GNB5: variants seen among roughly 807,000 people sequenced by gnomAD.
GNB5 encodes guanine nucleotide-binding protein subunit beta-5.
GNB5 carries 37 observed loss-of-function variants against 55.3 expected under a neutral mutation model. The ratio of observed to expected loss-of-function variants is 0.67; its 90% CI spans 0.51 to 0.88. The LOEUF (loss-of-function observed/expected upper bound fraction) is 0.88. Ranked by LOEUF, GNB5 falls within the 40% of genes least tolerant of loss-of-function variation. GNB5 has a pLI of 0.00. For missense variants in GNB5, 476 were observed against 515.3 expected, an observed-to-expected ratio of 0.92 and a Z score of 0.74; for synonymous variants, 219 against 198.5, an observed-to-expected ratio of 1.10 and a Z score of -0.87.
At chr15:52,171,714 C>T (rs1414454696) in intron 3 of GNB5, among the ~76,000 whole-genome samples, 1 of 152,202 alleles carries the variant, frequency 6.6e-6, no homozygotes, top group Non-Finnish European at 1.5e-5. Context: ...AATATGTTTG[C>T]TCCAGGCTAA....
At chr15:52,131,809 T>G (rs921240075) in intron 9 of GNB5, among the ~76,000 whole-genome samples, 1 of 152,246 alleles carries the variant, frequency 6.6e-6, no homozygotes, top group Non-Finnish European at 1.5e-5. Context: ...TTGGGAGTTC[T>G]GAGTATAATG....
chr15:52,165,810 A>G (rs2034439912), intron 3 of GNB5, among the ~76,000 whole-genome samples: 1 of 152,242 alleles, frequency 6.6e-6, no homozygotes, highest in Non-Finnish European at 1.5e-5. Flanking sequence ...ACTAGCTAGC[A>G]TCATGATGAC....
chr15:52,188,080 T>C (rs2034871153), intron 1 of GNB5, among the ~76,000 whole-genome samples: 1 of 152,228 alleles, frequency 6.6e-6, no homozygotes, highest in African/African-American at 2.4e-5. Flanking sequence ...TCCTCTAGTA[T>C]CTTTATAAGT....
At chr15:52,141,886 T>C (rs950402177) in intron 6 of GNB5, among the ~76,000 whole-genome samples, 1 of 152,228 alleles carries the variant, frequency 6.6e-6, no homozygotes, top group African/African-American at 2.4e-5. Context: ...TCCCTGATTG[T>C]CGCCAGGATC....
At chr15:52,172,461 G>A (rs1391657571) in intron 3 of GNB5, among the ~76,000 whole-genome samples, 2 of 151,956 alleles carry the variant, frequency 1.3e-5, no homozygotes, top group South Asian at 2.1e-4. Context: ...TCCCATTCTA[G>A]TACTCATTTT....
intron 3 of GNB5, among the ~76,000 whole-genome samples, chr15:52,158,518 C>T (rs2034263688): frequency 6.6e-6 from 1 of 152,146 alleles, no homozygotes; most frequent in African/African-American, 2.4e-5. Flanking sequence ...CTCTCCCTAT[C>T]CCTAATCCAT....
intron 2 of GNB5, among the ~76,000 whole-genome samples, chr15:52,181,880 ATG>A (rs1566951417): frequency 1.3e-5 from 2 of 151,846 alleles, no homozygotes; most frequent in African/African-American, 4.8e-5. Context: ...TGTATAAACT[ATG>A]TTAAAAATAT....
intron 3 of GNB5, among the ~76,000 whole-genome samples, chr15:52,169,442 G>A (rs1272390473): frequency 6.6e-6 from 1 of 150,436 alleles, no homozygotes; most frequent in Non-Finnish European, 1.5e-5. Flanking sequence ...GAAGGCTGAG[G>A]CAGGAGAAGA....
At chr15:52,180,900 T>C (rs1053124416) in intron 2 of GNB5, 1 of 152,276 alleles carries the variant, frequency 6.6e-6, no homozygotes, top group Non-Finnish European at 1.5e-5. Flanking sequence ...GACTGAGTAA[T>C]TGCTCAGGGG....
chr15:52,128,992 G>A (rs1013284614), intron 9 of GNB5, among the ~76,000 whole-genome samples: 4 of 128,296 alleles, frequency 3.1e-5, no homozygotes, highest in Non-Finnish European at 4.7e-5. Context: ...GTCTCATTCT[G>A]TTGCCCAGGC....
At chr15:52,170,577 G>C (rs2034537197) in intron 3 of GNB5, among the ~76,000 whole-genome samples, 1 of 152,262 alleles carries the variant, frequency 6.6e-6, no homozygotes, top group African/African-American at 2.4e-5. Flanking sequence ...GACAGCATCA[G>C]GAAGAATAGC....
rs564452334 is a variant in GNB5, at chr15:52,165,523, C to T, written c.239-11447G>A. Reference sequence around the variant, plus strand: ...CCTCTCAGTGGAAACCTTACAAGCCCGAAGAGAGTGGGGCCAATATTCAAC... The same window carrying T: ...CCTCTCAGTGGAAACCTTACAAGCCTGAAGAGAGTGGGGCCAATATTCAAC... On this transcript the variant is annotated intron_variant, in intron 3 of 12. Coordinates refer to ENST00000261837, the MANE Select transcript of GNB5 (RefSeq NM_016194.4). Among the ~76,000 whole-genome samples the T allele has an allele frequency of 1.6e-4, 24 of 152,032 alleles. 1 individual carries two copies. The highest frequency in any genetic ancestry group is 5.6e-4 in the African/African-American group (23 of 41,388).
At chr15:52,167,019 C>T (rs1326617498) in intron 3 of GNB5, among the ~76,000 whole-genome samples, 1 of 152,122 alleles carries the variant, frequency 6.6e-6, no homozygotes, top group Non-Finnish European at 1.5e-5. Context: ...CACAGAAATA[C>T]AAACAACCAT....
chr15:52,156,893 A>G (rs2034218219), intron 3 of GNB5, among the ~76,000 whole-genome samples: 1 of 152,200 alleles, frequency 6.6e-6, no homozygotes, highest in South Asian at 2.1e-4. Flanking sequence ...TTCTTTACAA[A>G]ATACATCGAA....
intron 3 of GNB5, among the ~76,000 whole-genome samples, chr15:52,164,308 TAAAAAAAAA>T (rs56029917): frequency 1.4e-4 from 7 of 50,430 alleles, no homozygotes; most frequent in African/African-American, 4.7e-4. Flanking sequence ...GACTCTGTCT[TAAAAAAAAA>T]AAAAAAAAAA....
intron 6 of GNB5, 101 bp downstream of exon 6, chr15:52,147,358 A>T (rs2033998505): frequency 2.6e-6 from 2 of 781,820 alleles, no homozygotes; most frequent in Non-Finnish European, 4.6e-6. Flanking sequence ...CTAAACAATT[A>T]AACAACAAAA....
At chr15:52,162,500 AAAAT>A (rs1202045097) in intron 3 of GNB5, among the ~76,000 whole-genome samples, 1 of 152,212 alleles carries the variant, frequency 6.6e-6, no homozygotes, top group Non-Finnish European at 1.5e-5. Context: ...AATATCCGTG[AAAAT>A]AAATACTCTG....
At chr15:52,175,322 C>T (rs1277209749) in intron 3 of GNB5, among the ~76,000 whole-genome samples, 2 of 152,214 alleles carry the variant, frequency 1.3e-5, no homozygotes, top group Non-Finnish European at 2.9e-5. Context: ...TGTCTGGCCA[C>T]ACATTCCCAA....
In GNB5 at chr15:52,135,810, G is replaced by A. The variant is rs976161463; in HGVS notation, c.628-54C>T. On this transcript the variant is annotated intron_variant, in intron 7 of 12. Transcript: ENST00000261837. ...TGGTTGTGGTTATTGCTTATGCCGG[G>A]GGCAGTCAATCAGAGGCTTAACGTT... The A allele has an allele frequency of 5.0e-6, 8 of 1,593,492 alleles. No homozygotes were observed. In the African/African-American group the frequency reaches 6.8e-5, roughly 14 times the overall value.
Sources: gnomAD v4.1 joint callset for allele counts (sites outside exome capture counted in the v4.1 genomes callset) on GRCh38, gnomAD v4.1.1 for gene constraint, MANE v1.5 for transcripts, NCBI Gene and HGNC (gene_info 2026-07-23, HGNC 2026-07-21) for gene names.